DCDC1: variants seen among roughly 807,000 people sequenced by gnomAD.
DCDC1 encodes doublecortin domain containing 1, also known as doublecortin domain-containing protein 1.
A neutral mutation model predicts 178.3 loss-of-function variants in DCDC1; 200 were observed. The ratio of observed to expected loss-of-function variants is 1.12; its 90% CI spans 1.00 to 1.26. The LOEUF is 1.26. DCDC1 is among the 50% of genes most tolerant of loss of function. The pLI is 0.00. For synonymous variants in DCDC1, 690 were observed against 604.8 expected, an observed-to-expected ratio of 1.14 and a Z score of -2.07; for missense variants, 1,983 against 1,749.2, an observed-to-expected ratio of 1.13 and a Z score of -2.38.
intron 21 of DCDC1, among the ~76,000 whole-genome samples, chr11:30,933,971 C>T (rs344343): frequency 0.022 from 3,302 of 152,244 alleles, 129 homozygotes; most frequent in African/African-American, 0.076. Context: ...CATTTTCCAC[C>T]CAGCATAACA....
At position 31,297,184 on chromosome 11, in the gene DCDC1, A is replaced by G. The variant is rs557557854; in HGVS notation, c.755-6332T>C. The stretch of plus-strand genomic sequence containing the variant: ...AGACGGTCAGCAAAGACTTGACAAG[A>G]CTTCAGCCCTGGCGAGGAAGAGGCT... On this transcript the variant is annotated intron_variant, in intron 6 of 38. Transcript: ENST00000684477. Among the ~76,000 whole-genome samples, 42 of 152,192 alleles carry G rather than the reference A, an allele frequency of 2.8e-4. No homozygotes were observed. In the East Asian group the frequency reaches 7.9e-3, roughly 29 times the overall value.
chr11:30,919,432 T>C (rs1312845542), intron 25 of DCDC1, among the ~76,000 whole-genome samples: 1 of 152,210 alleles, frequency 6.6e-6, no homozygotes, highest in East Asian at 1.9e-4. Flanking sequence ...CCTCAAGGAC[T>C]CCAGGCCTTC....
Position 31,265,618 on chromosome 11 carries a change from A to C in DCDC1, c.961-18T>G. The C allele has an allele frequency of 2.4e-6, 3 of 1,235,220 alleles. No individual in the cohort carries two copies. The highest frequency in any genetic ancestry group is 3.2e-6 in the Non-Finnish European group (3 of 941,680). The allele number at this position is 1,235,220 out of a possible 1,614,324, so 76.5% of individuals were successfully genotyped here. ...TCTAAAACCTGTGCAGGAAAAAAAA[A>C]TTATAAATAATTTAGTAAACTGGTT... is the stretch of plus-strand genomic sequence containing the variant. On this transcript the variant is annotated intron_variant, in intron 7 of 38. Transcript: ENST00000684477.
chr11:31,311,678 C>T (rs1948779494), intron 3 of DCDC1, among the ~76,000 whole-genome samples: 1 of 152,142 alleles, frequency 6.6e-6, no homozygotes, highest in Admixed American at 6.5e-5. Flanking sequence ...GATTGTGCTC[C>T]TCGACAATCC....
chr11:30,973,273 C>CAA (rs35354864), intron 20 of DCDC1, among the ~76,000 whole-genome samples: 51,901 of 113,230 alleles, frequency 0.46, 12,914 homozygotes, highest in Middle Eastern at 0.59. Flanking sequence ...GACTCCATCT[C>CAA]AAAAAAAAAA....
intron 15 of DCDC1, among the ~76,000 whole-genome samples, chr11:31,099,611 G>A (rs1324023897): frequency 3.3e-5 from 5 of 152,018 alleles, no homozygotes; most frequent in African/African-American, 2.4e-5. Flanking sequence ...GAAGGGAAAC[G>A]TCATATCTGG....
intron 18 of DCDC1, among the ~76,000 whole-genome samples, chr11:31,067,375 C>T (rs1009231816): frequency 6.6e-6 from 1 of 151,924 alleles, no homozygotes; most frequent in African/African-American, 2.4e-5. Context: ...AAATCAAAAC[C>T]TCAGTAAGGT....
At chr11:31,059,598 A>C (rs541301646) in intron 20 of DCDC1, among the ~76,000 whole-genome samples, 36 of 152,170 alleles carry the variant, frequency 2.4e-4, no homozygotes, top group Non-Finnish European at 4.0e-4. Flanking sequence ...ATTAACATTT[A>C]CCTTTATTGG....
chr11:31,106,981 C>G (rs1438601040), intron 12 of DCDC1, 21 bp from the exon 13 acceptor site: 1 of 759,758 alleles, frequency 1.3e-6, no homozygotes, highest in South Asian at 1.4e-5. Flanking sequence ...GTTAGAGGGG[C>G]AGAGGGGATA....
intron 9 of DCDC1, among the ~76,000 whole-genome samples, chr11:31,196,937 C>T (rs886965883): frequency 3.9e-5 from 6 of 152,124 alleles, no homozygotes; most frequent in South Asian, 2.1e-4. Context: ...ACTCTACTCA[C>T]GCTAAAGATT....
intron 1 of DCDC1, among the ~76,000 whole-genome samples, chr11:31,340,074 C>T (rs1408375732): frequency 6.6e-6 from 1 of 152,134 alleles, no homozygotes; most frequent in Non-Finnish European, 1.5e-5. Context: ...AAAGCATTTC[C>T]TCCTCACTAG....
intron 20 of DCDC1, among the ~76,000 whole-genome samples, chr11:30,985,813 T>C (rs1483984331): frequency 6.6e-6 from 1 of 152,150 alleles, no homozygotes; most frequent in Non-Finnish European, 1.5e-5. Context: ...CATGAGAACA[T>C]GGCAATCAAC....
intron 1 of DCDC1, among the ~76,000 whole-genome samples, chr11:31,349,316 G>A (rs1181005737): frequency 6.6e-6 from 1 of 152,092 alleles, no homozygotes; most frequent in African/African-American, 2.4e-5. Flanking sequence ...AGGTACCTTT[G>A]TGGCCCTCCA....
intron 9 of DCDC1, among the ~76,000 whole-genome samples, chr11:31,197,649 A>T (rs1970839291): frequency 6.6e-6 from 1 of 152,084 alleles, no homozygotes; most frequent in Non-Finnish European, 1.5e-5. Context: ...AATGTCTGCC[A>T]TCTGTTACTA....
At chr11:30,922,681 G>A in intron 23 of DCDC1, 43 bp from the exon 24 acceptor site, 2 of 1,446,792 alleles carry the variant, frequency 1.4e-6, no homozygotes, top group Non-Finnish European at 9.0e-7. Flanking sequence ...AATTGTCACA[G>A]CAGCATTATC....
intron 1 of DCDC1, among the ~76,000 whole-genome samples, chr11:31,357,973 G>C (rs1951478888): frequency 6.6e-6 from 1 of 152,164 alleles, no homozygotes; most frequent in Non-Finnish European, 1.5e-5. Flanking sequence ...CCATGCTCAT[G>C]GGTAGGAAGA....
At chr11:31,322,958 GCTTT>G (rs1042996088) in intron 3 of DCDC1, among the ~76,000 whole-genome samples, 7 of 151,974 alleles carry the variant, frequency 4.6e-5, no homozygotes, top group Non-Finnish European at 1.0e-4. Flanking sequence ...AATTACTTTT[GCTTT>G]ATTTTTAGTT....
chr11:31,100,010 C>G (rs1360408212), intron 15 of DCDC1, among the ~76,000 whole-genome samples: 1 of 152,116 alleles, frequency 6.6e-6, no homozygotes, highest in Non-Finnish European at 1.5e-5. Context: ...AGCCACTGCA[C>G]CCAGCTGATG....
intron 15 of DCDC1, among the ~76,000 whole-genome samples, chr11:31,099,389 C>A (rs940633410): frequency 6.6e-6 from 1 of 152,114 alleles, no homozygotes; most frequent in Non-Finnish European, 1.5e-5. Context: ...TTCAATGGCT[C>A]CTTGCTTTCT....
Sources: gnomAD v4.1 joint callset for allele counts (sites outside exome capture counted in the v4.1 genomes callset) on GRCh38, gnomAD v4.1.1 for gene constraint, MANE v1.5 for transcripts, NCBI Gene and HGNC (gene_info 2026-07-23, HGNC 2026-07-21) for gene names.